Variants in TIAM2 observed in about 807,000 individuals in gnomAD.
TIAM2 encodes TIAM Rac1 associated GEF 2.
Under a neutral mutation model 152.9 loss-of-function variants are expected in TIAM2, and 80 were observed. That is an observed-to-expected ratio of 0.52 (90% CI 0.44 to 0.63). The LOEUF (loss-of-function observed/expected upper bound fraction) is 0.63, where lower values mean the gene tolerates loss of function less well. TIAM2 is among the 30% of genes least tolerant of loss of function. The probability of loss-of-function intolerance (pLI) is 0.00; values close to 1 mark genes in which losing one functional copy is unlikely to be tolerated. For synonymous variants in TIAM2, 804 were observed against 838.0 expected (o/e 0.96, Z 0.70); for missense variants, 1,965 against 2,120.1 (o/e 0.93, Z 1.44).
At chr6:155,066,749 AGTTT>A (rs955410981) in intron 1 of TIAM2, among the ~76,000 whole-genome samples, 1 of 151,290 alleles carries the variant, frequency 6.6e-6, no homozygotes, top group African/African-American at 2.4e-5. Context: ...GTTGATTACA[AGTTT>A]GTTTGTTTGT....
intron 1 of TIAM2, among the ~76,000 whole-genome samples, chr6:155,080,961 G>A (rs1376886541): frequency 6.6e-6 from 1 of 152,114 alleles, no homozygotes; most frequent in Non-Finnish European, 1.5e-5. Flanking sequence ...TCTCTGGAGA[G>A]GTCTGTAGCA....
rs375238178 is a variant in TIAM2, at chr6:155,164,133, G to GTTTTTTTTTTTTTTTT, written c.2029-270_2029-269insTTTTTTTTTTTTTTTT. ...TGGCACCACACCAGCTAATTTTTGT[G>GTTTTTTTTTTTTTTTT]TTTTTTTTTTTTCTTTTTTTTAGTA... On this transcript the variant is annotated intron_variant, in intron 7 of 26. Coordinates refer to ENST00000682666, the MANE Select transcript of TIAM2 (RefSeq NM_012454.4). 7.3e-3 allele frequency among the ~76,000 whole-genome samples: 866 copies of GTTTTTTTTTTTTTTTT among 117,894 alleles called. 122 individuals are homozygous for GTTTTTTTTTTTTTTTT. Among genetic ancestry groups the GTTTTTTTTTTTTTTTT allele is most frequent in the Non-Finnish European group, 8.9e-3 (517 of 57,978 alleles). The allele number at this position is 117,894 out of a possible 152,430, so 77.3% of individuals were successfully genotyped here. A position where few individuals can be genotyped will look rare whatever the true frequency, so the allele number is the denominator to read the frequency against.
At chr6:155,205,068 C>A (rs1488694447) in intron 14 of TIAM2, among the ~76,000 whole-genome samples, 2 of 151,688 alleles carry the variant, frequency 1.3e-5, no homozygotes, top group Non-Finnish European at 2.9e-5. Flanking sequence ...CCCTCATGAC[C>A]TAAACACCTC....
chr6:155,059,325 TGCGC>T (rs1193693372), intron 1 of TIAM2, among the ~76,000 whole-genome samples: 46 of 135,516 alleles, frequency 3.4e-4, no homozygotes, highest in South Asian at 1.8e-3. Flanking sequence ...TGTGTGTGTG[TGCGC>T]GTGTATGTTT....
chr6:155,134,397 A>ACCCCCCCCC (rs35487009), intron 4 of TIAM2, among the ~76,000 whole-genome samples: 1 of 110,544 alleles, frequency 9.0e-6, no homozygotes, highest in African/African-American at 3.6e-5. Flanking sequence ...GCATCCCCCC[A>ACCCCCCCCC]CCCCCCCCCA....
At chr6:155,215,454 A>G (rs1781832054) in intron 15 of TIAM2, among the ~76,000 whole-genome samples, 1 of 152,228 alleles carries the variant, frequency 6.6e-6, no homozygotes, top group East Asian at 1.9e-4. Context: ...TTTGCTGTAA[A>G]ATCCCTCTCA....
At chr6:155,005,000 C>T in intron 1 of TIAM2, 1 of 480,546 alleles carries the variant, frequency 2.1e-6, no homozygotes, top group Non-Finnish European at 3.2e-6. Context: ...GCCATTTGCC[C>T]CATGTGAAGA....
chr6:155,198,398 C>T (rs982941742), intron 14 of TIAM2, among the ~76,000 whole-genome samples: 12 of 152,188 alleles, frequency 7.9e-5, no homozygotes, highest in African/African-American at 2.7e-4. Flanking sequence ...CGTGGTGGCT[C>T]ACGCCTGTAA....
At chr6:155,163,339 T>C (rs559820471) in intron 7 of TIAM2, among the ~76,000 whole-genome samples, 95 of 152,338 alleles carry the variant, frequency 6.2e-4, no homozygotes, top group Non-Finnish European at 1.0e-3. Context: ...GTCCCTGTGT[T>C]GGCAAGTCAC....
At chr6:155,029,459 A>AC (rs1438320369) in intron 1 of TIAM2, among the ~76,000 whole-genome samples, 5 of 52,336 alleles carry the variant, frequency 9.6e-5, no homozygotes, top group Non-Finnish European at 1.7e-4. Flanking sequence ...TATATATTAT[A>AC]TATAATATAT....
intron 14 of TIAM2, among the ~76,000 whole-genome samples, chr6:155,199,399 C>T (rs1210754851): frequency 6.6e-6 from 1 of 152,126 alleles, no homozygotes; most frequent in Non-Finnish European, 1.5e-5. Flanking sequence ...ACTTCTATAT[C>T]ACCAGTATAG....
chr6:155,238,220 C>A (rs984501622), intron 15 of TIAM2, among the ~76,000 whole-genome samples: 2 of 152,216 alleles, frequency 1.3e-5, no homozygotes, highest in African/African-American at 4.8e-5. Context: ...TAACAAGGGT[C>A]AGCTTTGCTC....
At chr6:155,159,601 T>C (rs997837754) in intron 7 of TIAM2, among the ~76,000 whole-genome samples, 1 of 152,182 alleles carries the variant, frequency 6.6e-6, no homozygotes, top group Non-Finnish European at 1.5e-5. Flanking sequence ...GTTAACAGCC[T>C]TTCTAAATAC....
intron 7 of TIAM2, among the ~76,000 whole-genome samples, chr6:155,154,934 C>G (rs1249411474): frequency 6.6e-6 from 1 of 152,144 alleles, no homozygotes; most frequent in Non-Finnish European, 1.5e-5. Flanking sequence ...ACAATGAGAA[C>G]AAGGCTTTGA....
At chr6:155,051,287 T>C (rs896470679) in intron 1 of TIAM2, among the ~76,000 whole-genome samples, 3 of 152,144 alleles carry the variant, frequency 2.0e-5, no homozygotes, top group African/African-American at 7.2e-5. Flanking sequence ...AAGGGAGAGC[T>C]TTGTGCAGAG....
At chr6:155,061,759 C>A (rs1488524007) in intron 1 of TIAM2, among the ~76,000 whole-genome samples, 1 of 152,172 alleles carries the variant, frequency 6.6e-6, no homozygotes, top group Non-Finnish European at 1.5e-5. Flanking sequence ...AAGTTACTTG[C>A]CATGCTGACA....
intron 1 of TIAM2, among the ~76,000 whole-genome samples, chr6:155,014,573 A>G (rs529050154): frequency 1.3e-5 from 2 of 152,292 alleles, no homozygotes; most frequent in East Asian, 1.9e-4. Flanking sequence ...GTTTGTATCA[A>G]TATAGGATGC....
intron 26 of TIAM2, 200 bp downstream of exon 26, chr6:155,254,773 T>C (rs1783896595): frequency 5.1e-6 from 3 of 590,276 alleles, no homozygotes; most frequent in Non-Finnish European, 8.7e-6. Context: ...CCCCAGTCCC[T>C]TGTCTTCCTA....
chr6:155,240,748 T>G (rs1252065104), intron 16 of TIAM2, 39 bp downstream of exon 16: 2 of 1,577,160 alleles, frequency 1.3e-6, no homozygotes, highest in South Asian at 2.3e-5. Context: ...CGTGCCTCTT[T>G]GATGATGGCA....
Sources: gnomAD v4.1 joint callset for allele counts (sites outside exome capture counted in the v4.1 genomes callset) on GRCh38, gnomAD v4.1.1 for gene constraint, MANE v1.5 for transcripts, NCBI Gene and HGNC (gene_info 2026-07-23, HGNC 2026-07-21) for gene names.